ANAPC16: variants seen among roughly 807,000 people sequenced by gnomAD.
ANAPC16 encodes anaphase promoting complex subunit 16, also known as anaphase-promoting complex subunit 16.
In ANAPC16, 6 loss-of-function variants were observed where a neutral mutation model predicts 13.1. The ratio of observed to expected loss-of-function variants is 0.46; its 90% CI spans 0.25 to 0.90. ANAPC16 has a LOEUF of 0.90. Among genes scored for constraint, ANAPC16 ranks in the 40% least tolerant of loss-of-function variants. The probability of loss-of-function intolerance (pLI) is 0.18; values close to 1 mark genes in which losing one functional copy is unlikely to be tolerated. For synonymous variants in ANAPC16, 55 were observed against 51.3 expected, an observed-to-expected ratio of 1.07 and a Z score of -0.31; for missense variants, 113 against 131.1, an observed-to-expected ratio of 0.86 and a Z score of 0.67.
chr10:72,218,345 A>G (rs1278892477), intron 1 of ANAPC16, among the ~76,000 whole-genome samples: 3 of 151,300 alleles, frequency 2.0e-5, no homozygotes, highest in Admixed American at 6.6e-5. Flanking sequence ...AATGGGTTAA[A>G]TGATGTGTCC....
At chr10:72,218,165 AATATATATATATATATATAT>A (rs61038115) in intron 1 of ANAPC16, among the ~76,000 whole-genome samples, 861 of 31,536 alleles carry the variant, frequency 0.027, 69 homozygotes, top group South Asian at 0.048. Flanking sequence ...AAAAAAAAAA[AATATATATATATATATATAT>A]ATATATATAT....
At chr10:72,222,013 C>T (rs2133665521) in intron 1 of ANAPC16, among the ~76,000 whole-genome samples, 1 of 148,786 alleles carries the variant, frequency 6.7e-6, no homozygotes, top group East Asian at 2.1e-4. Flanking sequence ...CAGGTGTGAG[C>T]CACCGCACCC....
At chr10:72,227,040 A>T (rs185792627) in intron 2 of ANAPC16, among the ~76,000 whole-genome samples, 3 of 152,242 alleles carry the variant, frequency 2.0e-5, no homozygotes, top group Non-Finnish European at 4.4e-5. Context: ...TGCAGCAAAG[A>T]CCTAGTATTA....
chr10:72,218,159 AAAAAAAATATATATATATATATAT>A lies in ANAPC16; in HGVS notation c.-28+2023_-28+2046del, dbSNP rs1429622604. 2.0e-3 allele frequency among the ~76,000 whole-genome samples: 90 copies of A among 45,842 alleles called. 7 individuals are homozygous for A. Among genetic ancestry groups the A allele is most frequent in the Middle Eastern group, 7.8e-3 (1 of 128 alleles). The allele number at this position is 45,842 out of a possible 152,430, so 30.1% of individuals were successfully genotyped here. A position where few individuals can be genotyped will look rare whatever the true frequency, so the allele number is the denominator to read the frequency against. On this transcript the variant is annotated intron_variant, in intron 1 of 3. Coordinates refer to ENST00000299381, the MANE Select transcript of ANAPC16 (RefSeq NM_173473.4). ...AAACTCTGTCTCAAAAAAAAAAAAA[AAAAAAAATATATATATATATATAT>A]ATATATATATATATATATATATATA...
At chr10:72,223,753 T>C in intron 1 of ANAPC16, 135 bp from the exon 2 acceptor site, 1 of 618,470 alleles carries the variant, frequency 1.6e-6, no homozygotes, top group Non-Finnish European at 2.5e-6. Flanking sequence ...TAAAATATTG[T>C]GAAAGTAGAG....
chr10:72,219,096 A>T (rs965454925), intron 1 of ANAPC16, among the ~76,000 whole-genome samples: 2 of 152,196 alleles, frequency 1.3e-5, no homozygotes, highest in Non-Finnish European at 2.9e-5. Flanking sequence ...GTGTAGGTAA[A>T]ATAGATTAGA....
chr10:72,221,326 C>G (rs1196429670), intron 1 of ANAPC16, among the ~76,000 whole-genome samples: 1 of 152,012 alleles, frequency 6.6e-6, no homozygotes, highest in Non-Finnish European at 1.5e-5. Flanking sequence ...AATCTAAATA[C>G]TAGAAATTTA....
At chr10:72,216,498 T>A (rs1180704707) in intron 1 of ANAPC16, among the ~76,000 whole-genome samples, 2 of 24,750 alleles carry the variant, frequency 8.1e-5, no homozygotes, top group Non-Finnish European at 1.8e-4. Flanking sequence ...CCCCCCCCGT[T>A]ACAGCTGCGG....
At chr10:72,230,760 G>A (rs188429244) in intron 3 of ANAPC16, among the ~76,000 whole-genome samples, 3 of 152,100 alleles carry the variant, frequency 2.0e-5, no homozygotes, top group Admixed American at 6.5e-5. Context: ...GCATGGTGGC[G>A]CATACCTGTA....
intron 1 of ANAPC16, among the ~76,000 whole-genome samples, chr10:72,222,017 C>G (rs998409884): frequency 1.3e-5 from 2 of 150,978 alleles, no homozygotes; most frequent in East Asian, 4.0e-4. Flanking sequence ...TGTGAGCCAC[C>G]GCACCCGGCC....
intron 1 of ANAPC16, among the ~76,000 whole-genome samples, chr10:72,221,747 T>TTTG (rs1859942928): frequency 7.2e-6 from 1 of 139,550 alleles, no homozygotes; most frequent in Non-Finnish European, 1.5e-5. Flanking sequence ...TTTTTTTTTT[T>TTTG]GAGACAGAGT....
In ANAPC16 at chr10:72,233,760, A is replaced by G. The variant is rs11000229; in HGVS notation, c.*644A>G. The G allele has an allele frequency of 0.076, 11,659 of 152,642 alleles. 1,200 individuals are homozygous for G. The highest frequency in any genetic ancestry group is 0.22 in the African/African-American group (9,293 of 41,492). The allele number at this position is 152,642 out of a possible 1,614,324, so 9.5% of individuals were successfully genotyped here. A position where few individuals can be genotyped will look rare whatever the true frequency, so the allele number is the denominator to read the frequency against. ...AAGCAAAATCCTTTTAAACACAGAA[A>G]TCCTGAGTTCTTCTCATTGGTGGAC... is the stretch of plus-strand genomic sequence containing the variant. On this transcript the variant is annotated 3_prime_UTR_variant, in exon 4 of 4. Coordinates refer to ENST00000299381, the MANE Select transcript of ANAPC16 (RefSeq NM_173473.4).
chr10:72,217,256 C>T, intron 1 of ANAPC16: 1 of 352,790 alleles, frequency 2.8e-6, no homozygotes, highest in Non-Finnish European at 5.6e-6. Flanking sequence ...GGGCGGATCA[C>T]GAGGTCAGGA....
At chr10:72,231,372 TA>T (rs917910938) in intron 3 of ANAPC16, among the ~76,000 whole-genome samples, 1 of 151,784 alleles carries the variant, frequency 6.6e-6, no homozygotes, top group Admixed American at 6.6e-5. Context: ...ACCCCATATC[TA>T]AAAAAAGAAA....
chr10:72,217,072 C>T (rs1211798508), intron 1 of ANAPC16: 1 of 454,058 alleles, frequency 2.2e-6, no homozygotes, highest in South Asian at 1.6e-5. Flanking sequence ...CCGAAATGCT[C>T]GGGACTGGAA....
At chr10:72,217,131 A>G (rs1386051879) in intron 1 of ANAPC16, 2 of 444,552 alleles carry the variant, frequency 4.5e-6, no homozygotes, top group South Asian at 3.1e-5. Flanking sequence ...TTGAGGGTAG[A>G]AAGACTTTTC....
chr10:72,228,138 G>A (rs563766255), intron 2 of ANAPC16, among the ~76,000 whole-genome samples: 1 of 152,252 alleles, frequency 6.6e-6, no homozygotes, highest in Admixed American at 6.5e-5. Flanking sequence ...AATCTCAAAA[G>A]GTTCAACTTG....
At chr10:72,223,781 A>G in intron 1 of ANAPC16, 107 bp from the exon 2 acceptor site, 1 of 837,222 alleles carries the variant, frequency 1.2e-6, no homozygotes, top group African/African-American at 1.7e-5. Flanking sequence ...AAAAAAGGGG[A>G]GCTAACTCTT....
chr10:72,229,706 T>A (rs1860237495), intron 2 of ANAPC16, among the ~76,000 whole-genome samples: 1 of 152,200 alleles, frequency 6.6e-6, no homozygotes, highest in Non-Finnish European at 1.5e-5. Context: ...ATCTTCCAAG[T>A]GCTGTGGCAA....
Sources: gnomAD v4.1 joint callset for allele counts (sites outside exome capture counted in the v4.1 genomes callset) on GRCh38, gnomAD v4.1.1 for gene constraint, MANE v1.5 for transcripts, NCBI Gene and HGNC (gene_info 2026-07-23, HGNC 2026-07-21) for gene names.